DYNC1LI2: variants seen among roughly 807,000 people sequenced by gnomAD.
The protein encoded by DYNC1LI2 is dynein cytoplasmic 1 light intermediate chain 2, also known as cytoplasmic dynein 1 light intermediate chain 2.
Under a neutral mutation model 57.8 loss-of-function variants are expected in DYNC1LI2, and 19 were observed. That is an observed-to-expected ratio of 0.33 (90% confidence interval 0.23 to 0.48). The LOEUF (loss-of-function observed/expected upper bound fraction) is 0.48. Among genes scored for constraint, DYNC1LI2 ranks in the 20% least tolerant of loss-of-function variants. DYNC1LI2 has a pLI of 0.99. For missense variants in DYNC1LI2, 470 were observed against 604.2 expected, an observed-to-expected ratio of 0.78 and a Z score of 2.33; for synonymous variants, 256 against 233.4, an observed-to-expected ratio of 1.10 and a Z score of -0.88.
chr16:66,737,606 C>T (rs2144990125), intron 4 of DYNC1LI2, among the ~76,000 whole-genome samples: 1 of 152,258 alleles, frequency 6.6e-6, no homozygotes, highest in Admixed American at 6.5e-5. Flanking sequence ...TGCCCAGCAC[C>T]AGATGTATTT....
chr16:66,731,350 C>T (rs1328790216), intron 7 of DYNC1LI2: 3 of 152,256 alleles, frequency 2.0e-5, no homozygotes, highest in Non-Finnish European at 4.4e-5. Context: ...TGTAGGTATG[C>T]CATCTATGAC....
intron 3 of DYNC1LI2, among the ~76,000 whole-genome samples, chr16:66,745,281 T>G (rs2017915143): frequency 1.3e-5 from 2 of 152,054 alleles, no homozygotes; most frequent in South Asian, 2.1e-4. Context: ...CTTTTTGTGA[T>G]GAGTTTTACT....
intron 3 of DYNC1LI2, among the ~76,000 whole-genome samples, chr16:66,746,805 TGAG>T (rs1355180403): frequency 4.6e-5 from 7 of 152,202 alleles, no homozygotes; most frequent in Admixed American, 1.3e-4. Flanking sequence ...ATTCTACAAA[TGAG>T]GAAACTCAAG....
Position 66,736,117 on chromosome 16 carries a change from C to T in DYNC1LI2, c.657G>A (p.Leu219=). ...NVALPLGDNV[L]THNLGIPVLV... ...ACACCGGGATCCCCAGGTTATGAGT[C>T]AGCACATTGTCACCCAGAGGCAGGG... is the stretch of plus-strand genomic sequence containing the variant. Residue 219 remains leucine (L), a synonymous_variant, in exon 5 of 13, where the codon CTG becomes CTA. Coordinates refer to ENST00000258198, the MANE Select transcript of DYNC1LI2 (RefSeq NM_006141.3). 6.2e-7 allele frequency: 1 copy of T among 1,614,140 alleles called. No individual in the cohort carries two copies. Among genetic ancestry groups the T allele is most frequent in the African/African-American group, 1.3e-5 (1 of 75,034 alleles).
At chr16:66,732,631 T>C (rs1225704227) in intron 6 of DYNC1LI2, 157 bp from the exon 7 acceptor site, 2 of 593,140 alleles carry the variant, frequency 3.4e-6, no homozygotes, top group Non-Finnish European at 5.3e-6. Flanking sequence ...CTTATAGTAT[T>C]ACATAGGCAT....
chr16:66,744,382 A>C (rs896785875), intron 3 of DYNC1LI2, among the ~76,000 whole-genome samples: 3 of 152,110 alleles, frequency 2.0e-5, no homozygotes, highest in Non-Finnish European at 4.4e-5. Flanking sequence ...CAAGGTGACA[A>C]GTACACTGTG....
intron 3 of DYNC1LI2, among the ~76,000 whole-genome samples, chr16:66,744,712 A>G (rs1316440616): frequency 6.6e-6 from 1 of 152,052 alleles, no homozygotes; most frequent in Non-Finnish European, 1.5e-5. Flanking sequence ...GGCACGTGCC[A>G]CTACGCCTGG....
intron 12 of DYNC1LI2, among the ~76,000 whole-genome samples, chr16:66,725,221 G>A (rs1278816996): frequency 7.1e-6 from 1 of 141,618 alleles, no homozygotes; most frequent in Non-Finnish European, 1.5e-5. Context: ...GCTCACACCT[G>A]TAATCCCAGC....
At chr16:66,728,325 T>C in intron 9 of DYNC1LI2, 83 bp from the exon 10 acceptor site, 1 of 1,502,442 alleles carries the variant, frequency 6.7e-7, no homozygotes. Context: ...CTCCAAGTAC[T>C]CCACTAGAGG....
chr16:66,733,995 A>C, intron 6 of DYNC1LI2: 1 of 496,372 alleles, frequency 2.0e-6, no homozygotes. Context: ...ACACCATCTT[A>C]AAACAAACAA....
intron 11 of DYNC1LI2, 26 bp downstream of exon 11, chr16:66,727,661 AG>A: frequency 6.2e-7 from 1 of 1,611,548 alleles, no homozygotes; most frequent in Non-Finnish European, 8.5e-7. Context: ...TACTCTCCAA[AG>A]AGACATACTT....
intron 7 of DYNC1LI2, chr16:66,732,028 A>T: frequency 3.7e-6 from 1 of 267,586 alleles, no homozygotes. Context: ...GACATTCAGG[A>T]TCCCCCAAGC....
At chr16:66,740,965 C>T (rs2017825402) in intron 4 of DYNC1LI2, among the ~76,000 whole-genome samples, 1 of 152,150 alleles carries the variant, frequency 6.6e-6, no homozygotes, top group African/African-American at 2.4e-5. Flanking sequence ...TAAATAACAG[C>T]CATCAATGAC....
intron 4 of DYNC1LI2, among the ~76,000 whole-genome samples, chr16:66,737,400 T>C (rs1001178794): frequency 5.4e-5 from 8 of 149,228 alleles, no homozygotes; most frequent in African/African-American, 1.8e-4. Context: ...AGCACGTGCC[T>C]GTAATCCCAG....
chr16:66,736,355 T>C (rs1444486899), intron 4 of DYNC1LI2, 111 bp from the exon 5 acceptor site: 1 of 1,306,044 alleles, frequency 7.7e-7, no homozygotes, highest in East Asian at 2.4e-5. Context: ...CAGTTGTGTG[T>C]GACAAACTTC....
Position 66,732,334 on chromosome 16 carries a change from C to T in DYNC1LI2, c.929+5G>A. The T allele has an allele frequency of 6.2e-7, 1 of 1,610,006 alleles. No individual in the cohort carries two copies. The highest frequency in any genetic ancestry group is 2.2e-5 in the East Asian group (1 of 44,816). On this transcript the variant is annotated splice_donor_5th_base_variant and intron_variant, in intron 7 of 12. Coordinates refer to ENST00000258198, the MANE Select transcript of DYNC1LI2 (RefSeq NM_006141.3). ...GTTTCAAAGCATCAGCTCAAAATAA[C>T]TCACATAAAAACGGCATCCTTTTCC...
chr16:66,749,182 C>G lies in DYNC1LI2; in HGVS notation c.298+15G>C. 1 of 1,613,438 alleles carries G rather than the reference C, an allele frequency of 6.2e-7. No homozygotes were observed. The highest frequency in any genetic ancestry group is 8.5e-7 in the Non-Finnish European group (1 of 1,179,376). On this transcript the variant is annotated intron_variant, in intron 3 of 12. Coordinates refer to ENST00000258198, the MANE Select transcript of DYNC1LI2 (RefSeq NM_006141.3). The stretch of plus-strand genomic sequence containing the variant: ...TGCATACACCCCCTTACCATGGGAC[C>G]AATGCTTCACTCACCATCTCGGTCC...
intron 2 of DYNC1LI2, among the ~76,000 whole-genome samples, chr16:66,750,562 G>A (rs1189128238): frequency 6.6e-6 from 1 of 152,188 alleles, no homozygotes; most frequent in Non-Finnish European, 1.5e-5. Flanking sequence ...TCTAAGCAGT[G>A]TAATGCTTCC....
chr16:66,751,492 T>G lies in DYNC1LI2; in HGVS notation c.100A>C (p.Ser34Arg). Residue 34 changes from serine to arginine, a missense_variant, in exon 1 of 13, where the codon AGC (serine) becomes CGC (arginine). Transcript: ENST00000258198. This position sits in a 1 kb window ranked among gnomAD's most constrained non-coding sequence, Gnocchi z 5.2. Reference sequence around the variant, plus strand: ...GACCGCCCGCGGCCTCACCATAGGCTCTGGCCTTCCTCCTCCTCACTGGTC... The same window carrying G: ...GACCGCCCGCGGCCTCACCATAGGCGCTGGCCTTCCTCCTCCTCACTGGTC... ...DLTSEEEEGQ[S>R]LWSSILSEVS... The G allele has an allele frequency of 6.3e-7, 1 of 1,589,304 alleles. No homozygotes were observed. The highest frequency in any genetic ancestry group is 1.7e-5 in the Admixed American group (1 of 57,896).
Sources: allele counts gnomAD v4.1 joint callset (sites outside exome capture counted in the v4.1 genomes callset), GRCh38; gene constraint gnomAD v4.1.1; non-coding constraint Gnocchi (gnomAD v3.1); transcripts MANE v1.5; gene names NCBI Gene and HGNC (gene_info 2026-07-23, HGNC 2026-07-21).